ALPK1: variants seen among roughly 807,000 people sequenced by gnomAD.
ALPK1 encodes the protein alpha kinase 1, also known as alpha-protein kinase 1.
ALPK1 carries 110 observed loss-of-function variants against 120.6 expected under a neutral mutation model. The observed-to-expected ratio is 0.91, with a 90% CI of 0.78 to 1.07. The LOEUF is 1.07. ALPK1 is among the 50% of genes least tolerant of loss of function. The pLI, the probability that ALPK1 is intolerant of heterozygous loss-of-function variation, is 0.00. For synonymous variants in ALPK1, 582 were observed against 560.3 expected, an observed-to-expected ratio of 1.04 and a Z score of -0.55; for missense variants, 1,498 against 1,483.9, an observed-to-expected ratio of 1.01 and a Z score of -0.16.
intron 2 of ALPK1, among the ~76,000 whole-genome samples, chr4:112,351,398 A>C (rs1578489236): frequency 6.6e-6 from 1 of 152,180 alleles, no homozygotes; most frequent in East Asian, 1.9e-4. Context: ...TATGAAAGTG[A>C]CATAGCAAAG....
At chr4:112,355,700 A>C (rs1256220555) in intron 2 of ALPK1, among the ~76,000 whole-genome samples, 1 of 152,234 alleles carries the variant, frequency 6.6e-6, no homozygotes, top group Non-Finnish European at 1.5e-5. Context: ...AGCTGGACAC[A>C]GAACGCTCAA....
At chr4:112,316,280 T>G (rs926597717) in intron 2 of ALPK1, 1 of 152,232 alleles carries the variant, frequency 6.6e-6, no homozygotes, top group Non-Finnish European at 1.5e-5. Context: ...TTCATATAAG[T>G]GATATCATGC....
intron 5 of ALPK1, among the ~76,000 whole-genome samples, chr4:112,422,092 C>G (rs372655819): frequency 6.6e-6 from 1 of 152,164 alleles, no homozygotes; most frequent in East Asian, 1.9e-4. Context: ...AATGGGTGAT[C>G]ATCGTAGATA....
chr4:112,337,651 T>A (rs1729677588), intron 2 of ALPK1, among the ~76,000 whole-genome samples: 1 of 152,130 alleles, frequency 6.6e-6, no homozygotes. Flanking sequence ...CACAGTGAGC[T>A]ACAATCATGC....
At position 112,425,710 on chromosome 4, in the gene ALPK1, C is replaced by A; in HGVS notation, c.581C>A (p.Ser194Ter). The A allele has an allele frequency of 1.2e-6, 2 of 1,613,022 alleles. No individual in the cohort carries two copies. The highest frequency in any genetic ancestry group is 2.2e-5 in the South Asian group (2 of 91,010). ...RNESDKVLVQ[S>*]VCIQIRGQIL... The stretch of plus-strand genomic sequence containing the variant: ...GAAAGTGACAAGGTCCTGGTGCAGT[C>A]GGTCTGTATACAGATCAGAGGGCAG... Residue 194 changes from serine (S) to a stop codon, truncating the protein, a stop_gained, in exon 7 of 16, where the codon TCG becomes TAG. Coordinates refer to ENST00000650871, the MANE Select transcript of ALPK1 (RefSeq NM_025144.4). LOFTEE classifies it high-confidence loss of function.
At chr4:112,373,297 C>A (rs1368412236) in intron 2 of ALPK1, among the ~76,000 whole-genome samples, 1 of 152,204 alleles carries the variant, frequency 6.6e-6, no homozygotes. Context: ...AAGGAATGAA[C>A]ATATGCTCCT....
intron 7 of ALPK1, 22 bp downstream of exon 7, chr4:112,425,773 A>G: frequency 1.3e-6 from 2 of 1,592,366 alleles, no homozygotes; most frequent in South Asian, 1.1e-5. Flanking sequence ...TAAAACTTGC[A>G]TTTCTCAAGG....
intron 6 of ALPK1, 135 bp downstream of exon 6, chr4:112,424,138 GATGA>G (rs1417011100): frequency 4.3e-6 from 3 of 702,986 alleles, no homozygotes; most frequent in Non-Finnish European, 6.9e-6. Flanking sequence ...CTCTGCCACT[GATGA>G]ATGAAGAAGC....
intron 2 of ALPK1, among the ~76,000 whole-genome samples, chr4:112,341,292 A>T (rs566129762): frequency 1.3e-5 from 2 of 152,340 alleles, no homozygotes; most frequent in Non-Finnish European, 2.9e-5. Flanking sequence ...CTGCATGGCC[A>T]GATTAGTGCA....
At chr4:112,392,188 C>G (rs1185809350) in intron 4 of ALPK1, among the ~76,000 whole-genome samples, 1 of 152,124 alleles carries the variant, frequency 6.6e-6, no homozygotes, top group African/African-American at 2.4e-5. Flanking sequence ...TCCTAGATGT[C>G]TCAAGTTCAA....
chr4:112,417,511 C>T (rs574169471), intron 5 of ALPK1, among the ~76,000 whole-genome samples: 5 of 152,034 alleles, frequency 3.3e-5, no homozygotes, highest in African/African-American at 4.8e-5. Flanking sequence ...TTGGGGGACA[C>T]GATCTCACTC....
At chr4:112,438,977 A>T (rs1578578867) in intron 13 of ALPK1, among the ~76,000 whole-genome samples, 1 of 152,290 alleles carries the variant, frequency 6.6e-6, no homozygotes, top group East Asian at 1.9e-4. Flanking sequence ...AAGTTCTTAG[A>T]CTTAGCCCAA....
chr4:112,436,540 T>A (rs1196174099), intron 12 of ALPK1, among the ~76,000 whole-genome samples: 1 of 152,204 alleles, frequency 6.6e-6, no homozygotes, highest in Non-Finnish European at 1.5e-5. Flanking sequence ...TGATCCAATA[T>A]GACTGATATC....
Position 112,315,787 on chromosome 4 carries a change from T to G in ALPK1, c.-152-14T>G. 6.6e-6 allele frequency: 1 copy of G among 152,234 alleles called. No homozygotes were observed. The highest frequency in any genetic ancestry group is 1.9e-4 in the East Asian group (1 of 5,202). 9.4% of individuals were successfully genotyped at this position (152,234 alleles called of 1,614,324 possible). A position where few individuals can be genotyped will look rare whatever the true frequency, so the allele number is the denominator to read the frequency against. On this transcript the variant is annotated splice_polypyrimidine_tract_variant and intron_variant, in intron 1 of 15. Transcript: ENST00000650871. ...TAACAAAGTCCTCTGTTTTTATGTC[T>G]TTTTCTTAACTAGGAAGTTCTTCTA...
chr4:112,439,908 T>C (rs748098161), intron 14 of ALPK1, 36 bp downstream of exon 14: 1 of 1,501,600 alleles, frequency 6.7e-7, no homozygotes, highest in Non-Finnish European at 8.9e-7. Context: ...ATTTTTAATA[T>C]TATATGTAAA....
intron 4 of ALPK1, among the ~76,000 whole-genome samples, chr4:112,407,677 T>C (rs774110520): frequency 2.6e-5 from 4 of 152,220 alleles, no homozygotes; most frequent in Non-Finnish European, 5.9e-5. Context: ...ATAGACTAGA[T>C]GGTCCTATAC....
At chr4:112,380,233 T>C (rs1037844430) in intron 3 of ALPK1, among the ~76,000 whole-genome samples, 8 of 152,236 alleles carry the variant, frequency 5.3e-5, no homozygotes, top group African/African-American at 1.9e-4. Context: ...AAATGTTCTC[T>C]ACAGCTATAT....
intron 2 of ALPK1, among the ~76,000 whole-genome samples, chr4:112,367,010 G>C (rs2148720329): frequency 6.6e-6 from 1 of 152,310 alleles, no homozygotes; most frequent in East Asian, 1.9e-4. Flanking sequence ...ACACACAAAG[G>C]CATAAGAATG....
In ALPK1 at chr4:112,343,941, G is replaced by A. The variant is rs766434361; in HGVS notation, c.-101+28089G>A. 1.6e-4 allele frequency among the ~76,000 whole-genome samples: 24 copies of A among 152,114 alleles called. 1 individual carries two copies. Among genetic ancestry groups the A allele is most frequent in the East Asian group, 3.9e-4 (2 of 5,194 alleles). ...GTAAATCCAGTTTACCTCAGAGGTC[G>A]CAGGCGAGATTTATGCCAATGAGCC... On this transcript the variant is annotated intron_variant, in intron 2 of 15. Transcript: ENST00000650871.
Sources: gnomAD v4.1 joint callset for allele counts (sites outside exome capture counted in the v4.1 genomes callset) on GRCh38, gnomAD v4.1.1 for gene constraint, MANE v1.5 for transcripts, NCBI Gene and HGNC (gene_info 2026-07-23, HGNC 2026-07-21) for gene names.